IFNA2: variants seen among roughly 807,000 people sequenced by gnomAD.
The protein encoded by IFNA2 is interferon alpha 2.
For synonymous variants in IFNA2, 91 were observed against 80.7 expected (o/e 1.13, Z -0.68); for missense variants, 260 against 210.3 (o/e 1.24, Z -1.46).
chr9:21,385,041 C>A lies in IFNA2; in HGVS notation c.289G>T (p.Ala97Ser). The change falls in exon 1 of 1, where the codon GCT becomes TCT. Residue 97 changes from alanine to serine, a missense_variant. Transcript: ENST00000380206. ...TCTAGGAGGGTCTCATCCCAAGCAGCAGATGAGTCCTTTGTGCTGAAGAGA... is the reference window on the plus strand; with the variant it reads ...TCTAGGAGGGTCTCATCCCAAGCAGAAGATGAGTCCTTTGTGCTGAAGAGA... Reference protein sequence around the residue: ...FNLFSTKDSSAAWDETLLDKF... With the variant: ...FNLFSTKDSSSAWDETLLDKF... The A allele has an allele frequency of 1.2e-6, 2 of 1,613,968 alleles. No homozygotes were observed. The highest frequency in any genetic ancestry group is 1.7e-6 in the Non-Finnish European group (2 of 1,179,956).
At position 21,385,210 on chromosome 9, in the gene IFNA2, GAGC is replaced by G; in HGVS notation, c.117_119del (p.Met39_Leu40delinsIle). The G allele has an allele frequency of 6.2e-7, 1 of 1,613,966 alleles. No homozygotes were observed. The highest frequency in any genetic ancestry group is 8.5e-7 in the Non-Finnish European group (1 of 1,179,990). On this transcript the variant is annotated inframe_deletion, in exon 1 of 1. Transcript: ENST00000380206. Reference sequence around the variant, plus strand: ...GAGAGATTCTCCTCATCTGTGCCAGGAGCATCAAGGTCCTCCTGCTACCCAGGC... The same window carrying G: ...GAGAGATTCTCCTCATCTGTGCCAGGATCAAGGTCCTCCTGCTACCCAGGC...
At position 21,385,237 on chromosome 9, in the gene IFNA2, G is replaced by A; in HGVS notation, c.93C>T (p.Ser31=). ...SVGCDLPQTH[S]LGSRRTLMLL... is the part of the protein sequence containing the mutation. ...GCATCAAGGTCCTCCTGCTACCCAG[G>A]CTGTGGGTTTGAGGCAGATCACAGC... The change falls in exon 1 of 1, where the codon AGC becomes AGT. Residue 31 remains serine (S), a synonymous_variant. Transcript: ENST00000380206. 1.2e-6 allele frequency: 2 copies of A among 1,613,982 alleles called. No individual in the cohort carries two copies. The highest frequency in any genetic ancestry group is 1.7e-6 in the Non-Finnish European group (2 of 1,179,968).
In IFNA2 at chr9:21,384,721, G is replaced by A; in HGVS notation, c.*42C>T. On this transcript the variant is annotated 3_prime_UTR_variant, in exon 1 of 1. Transcript: ENST00000380206. ...TGGCAGATCATAAAAAGGTGAGCTG[G>A]CATACGAATCAATGAAAATCATTTC... is the stretch of plus-strand genomic sequence containing the variant. 1 of 1,518,186 alleles carries A rather than the reference G, an allele frequency of 6.6e-7. No individual in the cohort carries two copies. Among genetic ancestry groups the A allele is most frequent in the Non-Finnish European group, 8.9e-7 (1 of 1,120,652 alleles). The allele number at this position is 1,518,186 out of a possible 1,614,324, so 94.0% of individuals were successfully genotyped here. A position where few individuals can be genotyped will look rare whatever the true frequency, so the allele number is the denominator to read the frequency against.
chr9:21,384,782 C>T lies in IFNA2; in HGVS notation c.548G>A (p.Ser183Asn), dbSNP rs756757521. The change falls in exon 1 of 1, where the codon AGT becomes AAT. Residue 183 changes from serine (S) to asparagine (N), a missense_variant. Coordinates refer to ENST00000380206, the MANE Select transcript of IFNA2 (RefSeq NM_000605.4). ...SFSLSTNLQE[S>N]LRSKE ...CAGTTTTCATTCCTTACTTCTTAAA[C>T]TTTCTTGCAAGTTTGTTGACAAAGA... The T allele has an allele frequency of 2.5e-6, 4 of 1,609,954 alleles. No individual in the cohort carries two copies. The highest frequency in any genetic ancestry group is 1.1e-5 in the South Asian group (1 of 90,316).
rs774738408 is a variant in IFNA2 at position 21,384,719 on chromosome 9, T to A, written c.*44A>T. ...AATGGCAGATCATAAAAAGGTGAGCTGGCATACGAATCAATGAAAATCATT... is the reference window on the plus strand; with the variant it reads ...AATGGCAGATCATAAAAAGGTGAGCAGGCATACGAATCAATGAAAATCATT... On this transcript the variant is annotated 3_prime_UTR_variant, in exon 1 of 1. Coordinates refer to ENST00000380206, the MANE Select transcript of IFNA2 (RefSeq NM_000605.4). 1 of 1,514,848 alleles carries A rather than the reference T, an allele frequency of 6.6e-7. No individual in the cohort carries two copies. The highest frequency in any genetic ancestry group is 8.9e-7 in the Non-Finnish European group (1 of 1,119,834). 93.8% of individuals were successfully genotyped at this position (1,514,848 alleles called of 1,614,324 possible).
Position 21,384,864 on chromosome 9 carries a change from T to C in IFNA2, c.466A>G (p.Lys156Glu), listed in dbSNP as rs1490729859. 1 of 1,614,132 alleles carries C rather than the reference T, an allele frequency of 6.2e-7. No homozygotes were observed. Among genetic ancestry groups the C allele is most frequent in the South Asian group, 1.1e-5 (1 of 91,090 alleles). The stretch of plus-strand genomic sequence containing the variant: ...TCCCAGGCACAAGGGCTGTATTTCT[T>C]CTCTTTCAGATAGAGAGTGATTCTT... ...FQRITLYLKE[K>E]KYSPCAWEVV... is the part of the protein sequence containing the mutation. Residue 156 changes from lysine (K) to glutamate (E), a missense_variant, in exon 1 of 1, where the codon AAG becomes GAG. Coordinates refer to ENST00000380206, the MANE Select transcript of IFNA2 (RefSeq NM_000605.4).
rs759281738 is a variant in IFNA2 at position 21,384,753 on chromosome 9, G to A, written c.*10C>T. 1.5e-5 allele frequency: 23 copies of A among 1,584,268 alleles called. No individual in the cohort carries two copies. Among genetic ancestry groups the A allele is most frequent in the Admixed American group, 1.8e-5 (1 of 54,722 alleles). ...AATCAATGAAAATCATTTCCATGTTGAACCAGTTTTCATTCCTTACTTCTT... is the reference window on the plus strand; with the variant it reads ...AATCAATGAAAATCATTTCCATGTTAAACCAGTTTTCATTCCTTACTTCTT... On this transcript the variant is annotated 3_prime_UTR_variant, in exon 1 of 1. Transcript: ENST00000380206.
rs1204416386 is a variant in IFNA2, at chr9:21,384,945, T to C, written c.385A>G (p.Thr129Ala). The C allele has an allele frequency of 1.2e-6, 2 of 1,613,874 alleles. No homozygotes were observed. The highest frequency in any genetic ancestry group is 4.5e-5 in the East Asian group (2 of 44,886). Residue 129 changes from threonine to alanine, a missense_variant, in exon 1 of 1, where the codon ACA becomes GCA. Coordinates refer to ENST00000380206, the MANE Select transcript of IFNA2 (RefSeq NM_000605.4). ...EACVIQGVGV[T>A]ETPLMKEDSI... The stretch of plus-strand genomic sequence containing the variant: ...TCCTCCTTCATCAGGGGAGTCTCTG[T>C]CACCCCCACCCCCTGTATCACACAG...
chr9:21,384,258 T>C lies in IFNA2; in HGVS notation c.*505A>G, dbSNP rs1051175284. 16 of 152,300 alleles carry C rather than the reference T, an allele frequency of 1.1e-4. No individual in the cohort carries two copies. Among genetic ancestry groups the C allele is most frequent in the Non-Finnish European group, 2.3e-4 (16 of 68,100 alleles). The allele number at this position is 152,300 out of a possible 1,614,324, so 9.4% of individuals were successfully genotyped here. A position where few individuals can be genotyped will look rare whatever the true frequency, so the allele number is the denominator to read the frequency against. On this transcript the variant is annotated 3_prime_UTR_variant, in exon 1 of 1. Coordinates refer to ENST00000380206, the MANE Select transcript of IFNA2 (RefSeq NM_000605.4). ...ATCTTGAGTACAACATACAACCTGG[T>C]TTACAGAAAGTTTATTTTTACTTAT...
Position 21,384,559 on chromosome 9 carries a change from T to C in IFNA2, c.*204A>G. ...AATATTTTAAAAATATTTAAATAGA[T>C]AATGGATCAGTCAGCATGGTCCTCT... is the stretch of plus-strand genomic sequence containing the variant. On this transcript the variant is annotated 3_prime_UTR_variant, in exon 1 of 1. Transcript: ENST00000380206. 1 of 229,744 alleles carries C rather than the reference T, an allele frequency of 4.4e-6. No individual in the cohort carries two copies. The highest frequency in any genetic ancestry group is 5.6e-5 in the Admixed American group (1 of 17,924). The allele number at this position is 229,744 out of a possible 1,614,324, so 14.2% of individuals were successfully genotyped here.
In IFNA2 at chr9:21,384,272, A is replaced by C. The variant is rs974929489; in HGVS notation, c.*491T>G. The C allele has an allele frequency of 3.9e-5, 6 of 152,286 alleles. No individual in the cohort carries two copies. Among genetic ancestry groups the C allele is most frequent in the Non-Finnish European group, 8.8e-5 (6 of 68,088 alleles). 9.4% of individuals were successfully genotyped at this position (152,286 alleles called of 1,614,324 possible). A position where few individuals can be genotyped will look rare whatever the true frequency, so the allele number is the denominator to read the frequency against. On this transcript the variant is annotated 3_prime_UTR_variant, in exon 1 of 1. Transcript: ENST00000380206. Reference sequence around the variant, plus strand: ...ATACAACCTGGTTTACAGAAAGTTTATTTTTACTTATATCTTGAATATAAT... The same window carrying C: ...ATACAACCTGGTTTACAGAAAGTTTCTTTTTACTTATATCTTGAATATAAT...
rs553206364 is a variant in IFNA2, at chr9:21,385,320, T to C, written c.10A>G (p.Thr4Ala). 184 of 1,610,554 alleles carry C rather than the reference T, an allele frequency of 1.1e-4. No individual in the cohort carries two copies. The East Asian group carries it at 3.3e-3, about 29-fold the overall frequency. The change falls in exon 1 of 1, where the codon ACC (threonine) becomes GCC (alanine). Residue 4 changes from threonine (T) to alanine (A), a missense_variant. By Grantham distance (58) the Thr-to-Ala change is moderately conservative. Transcript: ENST00000380206. Reference protein sequence around the residue: MALTFALLVALLVL... With the variant: MALAFALLVALLVL... ...AGGAGGGCCACCAGTAAAGCAAAGGTCAAGGCCATTGTAGATGTTGCAGAT... is the reference window on the plus strand; with the variant it reads ...AGGAGGGCCACCAGTAAAGCAAAGGCCAAGGCCATTGTAGATGTTGCAGAT...
chr9:21,384,622 G>A lies in IFNA2; in HGVS notation c.*141C>T. 1.2e-6 allele frequency: 1 copy of A among 865,908 alleles called. No homozygotes were observed. The highest frequency in any genetic ancestry group is 1.7e-6 in the Non-Finnish European group (1 of 589,424). The allele number at this position is 865,908 out of a possible 1,614,324, so 53.6% of individuals were successfully genotyped here. On this transcript the variant is annotated 3_prime_UTR_variant, in exon 1 of 1. Coordinates refer to ENST00000380206, the MANE Select transcript of IFNA2 (RefSeq NM_000605.4). ...TGCCTTAAGAGCTGAATACAATGTT[G>A]ATTAATACTCCTAAAAACATTTGAA... is the stretch of plus-strand genomic sequence containing the variant.
chr9:21,385,213 C>A lies in IFNA2; in HGVS notation c.117G>T (p.Met39Ile). The A allele has an allele frequency of 6.2e-7, 1 of 1,613,972 alleles. No homozygotes were observed. The highest frequency in any genetic ancestry group is 1.3e-5 in the African/African-American group (1 of 74,990). The change falls in exon 1 of 1, where the codon ATG becomes ATT. Residue 39 changes from methionine to isoleucine, a missense_variant. Physicochemically the swap from Met to Ile is conservative, Grantham distance 10 (BLOSUM62 1). Coordinates refer to ENST00000380206, the MANE Select transcript of IFNA2 (RefSeq NM_000605.4). ...AGATTCTCCTCATCTGTGCCAGGAGCATCAAGGTCCTCCTGCTACCCAGGC... is the reference window on the plus strand; with the variant it reads ...AGATTCTCCTCATCTGTGCCAGGAGAATCAAGGTCCTCCTGCTACCCAGGC... ...THSLGSRRTL[M>I]LLAQMRRISL...
rs1170874330 is a variant in IFNA2 at position 21,385,184 on chromosome 9, A to C, written c.146T>G (p.Leu49Arg). The change falls in exon 1 of 1, where the codon CTT becomes CGT. Residue 49 changes from leucine (L) to arginine (R), a missense_variant. Leu to Arg is a moderately radical substitution (Grantham distance 102). Coordinates refer to ENST00000380206, the MANE Select transcript of IFNA2 (RefSeq NM_000605.4). ...MLLAQMRRIS[L>R]FSCLKDRHDF... ...ATGTCTGTCCTTCAAGCAGGAGAAA[A>C]GAGAGATTCTCCTCATCTGTGCCAG... 6.2e-7 allele frequency: 1 copy of C among 1,613,962 alleles called. No homozygotes were observed. The highest frequency in any genetic ancestry group is 8.5e-7 in the Non-Finnish European group (1 of 1,179,998).
In IFNA2 at chr9:21,384,963, T is replaced by A. The variant is rs528131696; in HGVS notation, c.367A>T (p.Ile123Leu). 6.2e-7 allele frequency: 1 copy of A among 1,613,940 alleles called. No individual in the cohort carries two copies. The highest frequency in any genetic ancestry group is 2.2e-5 in the East Asian group (1 of 44,882). The change falls in exon 1 of 1, where the codon ATA becomes TTA. Residue 123 changes from isoleucine to leucine, a missense_variant. Transcript: ENST00000380206. ...QQLNDLEACV[I>L]QGVGVTETPL... ...GTCTCTGTCACCCCCACCCCCTGTA[T>A]CACACAGGCTTCCAGGTCATTCAGC...
Position 21,384,758 on chromosome 9 carries a change from A to G in IFNA2, c.*5T>C. On this transcript the variant is annotated 3_prime_UTR_variant, in exon 1 of 1. Coordinates refer to ENST00000380206, the MANE Select transcript of IFNA2 (RefSeq NM_000605.4). ...ATGAAAATCATTTCCATGTTGAACC[A>G]GTTTTCATTCCTTACTTCTTAAACT... is the stretch of plus-strand genomic sequence containing the variant. 6.3e-7 allele frequency: 1 copy of G among 1,588,408 alleles called. No homozygotes were observed. Among genetic ancestry groups the G allele is most frequent in the East Asian group, 2.2e-5 (1 of 44,684 alleles).
At position 21,384,634 on chromosome 9, in the gene IFNA2, TA is replaced by T; in HGVS notation, c.*128del. 9.8e-7 allele frequency: 1 copy of T among 1,024,830 alleles called. No individual in the cohort carries two copies. Among genetic ancestry groups the T allele is most frequent in the Non-Finnish European group, 1.4e-6 (1 of 724,034 alleles). The allele number at this position is 1,024,830 out of a possible 1,614,324, so 63.5% of individuals were successfully genotyped here. On this transcript the variant is annotated 3_prime_UTR_variant, in exon 1 of 1. Transcript: ENST00000380206. ...TGAATACAATGTTGATTAATACTCC[TA>T]AAAACATTTGAAAAGATTTAAATCG... is the stretch of plus-strand genomic sequence containing the variant.
rs146352658 is a variant in IFNA2 at position 21,384,972 on chromosome 9, C to T, written c.358G>A (p.Ala120Thr). The change falls in exon 1 of 1, where the codon GCC (alanine) becomes ACC (threonine). Residue 120 changes from alanine (A) to threonine (T), a missense_variant. Physicochemically the swap from Ala to Thr is moderately conservative, Grantham distance 58 (BLOSUM62 0). Coordinates refer to ENST00000380206, the MANE Select transcript of IFNA2 (RefSeq NM_000605.4). ...ELYQQLNDLE[A>T]CVIQGVGVTE... Reference sequence around the variant, plus strand: ...ACCCCCACCCCCTGTATCACACAGGCTTCCAGGTCATTCAGCTGCTGGTAG... The same window carrying T: ...ACCCCCACCCCCTGTATCACACAGGTTTCCAGGTCATTCAGCTGCTGGTAG... 375 of 1,613,984 alleles carry T rather than the reference C, an allele frequency of 2.3e-4. 2 individuals are homozygous for T. In the East Asian group the frequency reaches 7.1e-3, roughly 30 times the overall value.
Sources: gnomAD v4.1 joint callset for allele counts on GRCh38, gnomAD v4.1.1 for gene constraint, MANE v1.5 for transcripts, NCBI Gene and HGNC (gene_info 2026-07-23, HGNC 2026-07-21) for gene names.